The following UGT1A8 variants were observed in gnomAD, a reference collection of about 807,000 sequenced individuals.
UGT1A8 encodes UDP-glucuronosyltransferase 1A8.
In UGT1A8, 39 loss-of-function variants were observed where a neutral mutation model predicts 45.3. The ratio of observed to expected loss-of-function variants is 0.86; its 90% CI spans 0.67 to 1.12. UGT1A8 has a LOEUF of 1.12. UGT1A8 is among the 50% of genes most tolerant of loss of function. The pLI, the probability that UGT1A8 is intolerant of heterozygous loss-of-function variation, is 0.00. For missense variants in UGT1A8, 719 were observed against 664.9 expected, an observed-to-expected ratio of 1.08 and a Z score of -0.90; for synonymous variants, 275 against 249.2, an observed-to-expected ratio of 1.10 and a Z score of -0.97.
intron 1 of UGT1A8, among the ~76,000 whole-genome samples, chr2:233,625,678 T>A (rs780765322): frequency 6.6e-6 from 1 of 151,690 alleles, no homozygotes; most frequent in Admixed American, 6.6e-5. Flanking sequence ...CCTAAGGGAA[T>A]ATATACAGGC....
intron 1 of UGT1A8, among the ~76,000 whole-genome samples, chr2:233,645,012 T>C (rs1460950771): frequency 6.6e-6 from 1 of 152,136 alleles, no homozygotes. Context: ...TTAGAGATAT[T>C]GGGTTTGGGA....
intron 1 of UGT1A8, among the ~76,000 whole-genome samples, chr2:233,731,462 C>A (rs1354411631): frequency 6.6e-6 from 1 of 152,008 alleles, no homozygotes; most frequent in Non-Finnish European, 1.5e-5. Flanking sequence ...CAGGCCCTGG[C>A]GTGTGATGTT....
chr2:233,733,678 C>G (rs2078428487), intron 1 of UGT1A8, among the ~76,000 whole-genome samples: 1 of 152,188 alleles, frequency 6.6e-6, no homozygotes, highest in Non-Finnish European at 1.5e-5. Flanking sequence ...TGTGGATAAA[C>G]TTTTTGATGT....
At chr2:233,719,293 G>C (rs149433426) in intron 1 of UGT1A8, 125 of 1,613,828 alleles carry the variant, frequency 7.7e-5, no homozygotes, top group African/African-American at 2.0e-4. Context: ...AACCTCTGTG[G>C]GGCGGTGCTG....
At chr2:233,735,244 A>C (rs1308474685) in intron 1 of UGT1A8, among the ~76,000 whole-genome samples, 1 of 152,060 alleles carries the variant, frequency 6.6e-6, no homozygotes, top group African/African-American at 2.4e-5. Context: ...CTTGTTGTTG[A>C]ATTGCTCCCT....
chr2:233,676,020 C>T (rs1046214466), intron 1 of UGT1A8, among the ~76,000 whole-genome samples: 1 of 152,150 alleles, frequency 6.6e-6, no homozygotes, highest in Non-Finnish European at 1.5e-5. Context: ...CAGAAATAAA[C>T]CCATACATAT....
intron 1 of UGT1A8, among the ~76,000 whole-genome samples, chr2:233,642,698 T>C (rs2073481980): frequency 1.3e-5 from 2 of 152,198 alleles, no homozygotes; most frequent in African/African-American, 4.8e-5. Context: ...GACTTAGGTG[T>C]TGTAATCTAA....
chr2:233,678,685 A>T (rs1271461775), intron 1 of UGT1A8, among the ~76,000 whole-genome samples: 2 of 151,930 alleles, frequency 1.3e-5, no homozygotes, highest in African/African-American at 4.8e-5. Flanking sequence ...TGTAAGGCCA[A>T]TTTTTTTTCT....
At chr2:233,729,574 T>C (rs774879716) in intron 1 of UGT1A8, 3 of 1,614,162 alleles carry the variant, frequency 1.9e-6, no homozygotes, top group Non-Finnish European at 1.7e-6. Flanking sequence ...TGATGTGGTT[T>C]TAACAGACCC....
chr2:233,748,927 T>C (rs1694062254), intron 1 of UGT1A8, among the ~76,000 whole-genome samples: 1 of 151,536 alleles, frequency 6.6e-6, no homozygotes, highest in Admixed American at 6.6e-5. Flanking sequence ...AAGCTGAACA[T>C]ATCACCAAAC....
intron 1 of UGT1A8, among the ~76,000 whole-genome samples, chr2:233,620,810 C>G (rs2072990460): frequency 6.6e-6 from 1 of 152,202 alleles, no homozygotes; most frequent in Admixed American, 6.5e-5. Flanking sequence ...AGGATGGACA[C>G]TGCGTATTGC....
intron 1 of UGT1A8, among the ~76,000 whole-genome samples, chr2:233,645,396 C>T (rs1054970009): frequency 6.6e-6 from 1 of 152,176 alleles, no homozygotes; most frequent in Admixed American, 6.5e-5. Flanking sequence ...CCAATCATGC[C>T]CTCCCAACAG....
chr2:233,718,788 G>A, intron 1 of UGT1A8: 1 of 1,613,102 alleles, frequency 6.2e-7, no homozygotes, highest in Non-Finnish European at 8.5e-7. Context: ...ACAGCGTGGG[G>A]TGGACAGTCA....
At chr2:233,675,895 T>G (rs1443660029) in intron 1 of UGT1A8, among the ~76,000 whole-genome samples, 1 of 152,146 alleles carries the variant, frequency 6.6e-6, no homozygotes. Context: ...CATTATCATA[T>G]CTAAGACAAT....
At chr2:233,626,409 G>C (rs2073084356) in intron 1 of UGT1A8, among the ~76,000 whole-genome samples, 1 of 151,858 alleles carries the variant, frequency 6.6e-6, no homozygotes, top group Non-Finnish European at 1.5e-5. Context: ...CCTCGAGTGT[G>C]GTGTCTATTG....
In UGT1A8 at chr2:233,760,262, G is replaced by A. The variant is rs547805333; in HGVS notation, c.856-6772G>A. 2.2e-5 allele frequency: 35 copies of A among 1,611,676 alleles called. No individual in the cohort carries two copies. In the South Asian group the frequency reaches 3.4e-4, roughly 16 times the overall value. ...TATATATATATAAGTAGGAGAGGGC[G>A]AACCTCTGGCAGGAGCAAAGGCGCC... On this transcript the variant is annotated intron_variant, in intron 1 of 4. Transcript: ENST00000373450.
intron 1 of UGT1A8, among the ~76,000 whole-genome samples, chr2:233,703,677 AT>A (rs1271383463): frequency 6.6e-5 from 10 of 151,954 alleles, no homozygotes; most frequent in African/African-American, 1.7e-4. Flanking sequence ...TTCATGATAT[AT>A]TTTTTTTCCA....
At chr2:233,713,303 A>T (rs1470676063) in intron 1 of UGT1A8, 1 of 1,614,224 alleles carries the variant, frequency 6.2e-7, no homozygotes, top group South Asian at 1.1e-5. Context: ...TTGAAACAGA[A>T]CATCTTCTGA....
intron 1 of UGT1A8, among the ~76,000 whole-genome samples, chr2:233,716,930 GCTC>G (rs2125650647): frequency 6.6e-6 from 1 of 152,262 alleles, no homozygotes; most frequent in South Asian, 2.1e-4. Flanking sequence ...GCCTTGGGCA[GCTC>G]CTCCTATTTC....
Sources: allele counts gnomAD v4.1 joint callset (sites outside exome capture counted in the v4.1 genomes callset), GRCh38; gene constraint gnomAD v4.1.1; transcripts MANE v1.5; gene names NCBI Gene and HGNC (gene_info 2026-07-23, HGNC 2026-07-21).